Variants in FAM193A observed in about 807,000 individuals in gnomAD.
FAM193A encodes protein FAM193A.
In FAM193A, 22 loss-of-function variants were observed where a neutral mutation model predicts 126.5. The ratio of observed to expected loss-of-function variants is 0.17; its 90% CI spans 0.12 to 0.25. The LOEUF (loss-of-function observed/expected upper bound fraction) is 0.25, where lower values mean the gene tolerates loss of function less well. Ranked by LOEUF, FAM193A falls within the 10% of genes least tolerant of loss-of-function variation. The probability of loss-of-function intolerance (pLI) is 1.00; values close to 1 mark genes in which losing one functional copy is unlikely to be tolerated. For missense variants in FAM193A, 1,675 were observed against 1,672.8 expected, an observed-to-expected ratio of 1.00 and a Z score of -0.02; for synonymous variants, 761 against 646.8, an observed-to-expected ratio of 1.18 and a Z score of -2.68.
chr4:2,571,069 C>T (rs1451209152), intron 1 of FAM193A, among the ~76,000 whole-genome samples: 1 of 152,180 alleles, frequency 6.6e-6, no homozygotes, highest in African/African-American at 2.4e-5. Context: ...AGCCTCTTTC[C>T]TGCCTTGTCA....
chr4:2,595,645 C>T (rs1740811704), intron 1 of FAM193A, among the ~76,000 whole-genome samples: 1 of 152,208 alleles, frequency 6.6e-6, no homozygotes, highest in Non-Finnish European at 1.5e-5. Context: ...GGAATTTGGA[C>T]AGCCGACCTC....
At chr4:2,616,136 T>G (rs1339748601) in intron 2 of FAM193A, among the ~76,000 whole-genome samples, 1 of 152,232 alleles carries the variant, frequency 6.6e-6, no homozygotes, top group Admixed American at 6.5e-5. Context: ...GGTATATTTA[T>G]TTCAATTTCT....
intron 2 of FAM193A, among the ~76,000 whole-genome samples, chr4:2,609,695 C>T (rs550773181): frequency 2.0e-5 from 3 of 152,198 alleles, no homozygotes; most frequent in South Asian, 2.1e-4. Flanking sequence ...TTTGGGAGGC[C>T]GAGGCGGGTG....
chr4:2,542,458 T>G (rs1328454200), intron 1 of FAM193A, among the ~76,000 whole-genome samples: 2 of 152,238 alleles, frequency 1.3e-5, no homozygotes, highest in Non-Finnish European at 2.9e-5. Flanking sequence ...TTTTAAGCTT[T>G]TAAAGCTGTC....
At chr4:2,727,692 G>A (rs1443890482) in intron 20 of FAM193A, among the ~76,000 whole-genome samples, 2 of 152,208 alleles carry the variant, frequency 1.3e-5, no homozygotes, top group Non-Finnish European at 2.9e-5. Context: ...AAGACAGAGT[G>A]CAGGGGCTCT....
chr4:2,648,920 C>A (rs918395942), intron 7 of FAM193A, among the ~76,000 whole-genome samples: 1 of 152,188 alleles, frequency 6.6e-6, no homozygotes, highest in African/African-American at 2.4e-5. Context: ...TGACTTGGGT[C>A]CCAGGGAGAA....
intron 2 of FAM193A, among the ~76,000 whole-genome samples, chr4:2,623,876 C>T (rs1014881206): frequency 1.3e-5 from 2 of 152,146 alleles, no homozygotes; most frequent in East Asian, 1.9e-4. Flanking sequence ...TTCTTTTCCT[C>T]ATGCTGTGGG....
intron 1 of FAM193A, among the ~76,000 whole-genome samples, chr4:2,547,850 C>G (rs890167342): frequency 6.6e-6 from 1 of 151,824 alleles, no homozygotes; most frequent in Non-Finnish European, 1.5e-5. Flanking sequence ...GTCTCGAACT[C>G]TTGAACTTAA....
chr4:2,694,338 C>G (rs1716787042), intron 16 of FAM193A, among the ~76,000 whole-genome samples: 1 of 152,026 alleles, frequency 6.6e-6, no homozygotes, highest in Admixed American at 6.5e-5. Flanking sequence ...AGTGCGATCT[C>G]AGCTCACTGC....
chr4:2,563,645 A>C (rs115981676), intron 1 of FAM193A, among the ~76,000 whole-genome samples: 1 of 152,220 alleles, frequency 6.6e-6, no homozygotes, highest in African/African-American at 2.4e-5. Context: ...GGCAGAACCA[A>C]CACTTCCACT....
At chr4:2,588,047 C>T (rs928083001) in intron 1 of FAM193A, among the ~76,000 whole-genome samples, 1 of 152,170 alleles carries the variant, frequency 6.6e-6, no homozygotes, top group African/African-American at 2.4e-5. Flanking sequence ...AAACTACTGC[C>T]AAGTGCTTTT....
intron 2 of FAM193A, among the ~76,000 whole-genome samples, chr4:2,598,624 C>T (rs1448208529): frequency 1.3e-5 from 2 of 152,202 alleles, no homozygotes; most frequent in Non-Finnish European, 2.9e-5. Context: ...GTATTATCAT[C>T]TCTTCCTTAA....
chr4:2,688,739 A>T (rs1250280470), intron 13 of FAM193A, among the ~76,000 whole-genome samples: 1 of 152,256 alleles, frequency 6.6e-6, no homozygotes, highest in Non-Finnish European at 1.5e-5. Context: ...AGGCTGTTGC[A>T]CTGCGCCACT....
At chr4:2,571,293 T>G (rs1010467109) in intron 1 of FAM193A, among the ~76,000 whole-genome samples, 3 of 152,154 alleles carry the variant, frequency 2.0e-5, no homozygotes, top group Admixed American at 1.3e-4. Context: ...ATGGATTAAT[T>G]ATCCATTCTG....
intron 1 of FAM193A, among the ~76,000 whole-genome samples, chr4:2,566,560 C>T (rs186255939): frequency 3.8e-4 from 58 of 152,012 alleles, no homozygotes; most frequent in East Asian, 3.5e-3. Flanking sequence ...TGGTGGTGTG[C>T]GCCTGTAGTC....
intron 1 of FAM193A, among the ~76,000 whole-genome samples, chr4:2,554,640 C>G (rs1302264635): frequency 6.6e-6 from 1 of 151,854 alleles, no homozygotes; most frequent in Non-Finnish European, 1.5e-5. Flanking sequence ...GAGTTTTTGT[C>G]TACTAGTTCT....
chr4:2,662,957 A>G lies in FAM193A; in HGVS notation c.1865A>G (p.Asn622Ser). 6.2e-7 allele frequency: 1 copy of G among 1,613,410 alleles called. No individual in the cohort carries two copies. The highest frequency in any genetic ancestry group is 2.2e-5 in the East Asian group (1 of 44,866). ...ANMNGIHSELNGGGENMALKD... is the reference protein window; with the variant it reads ...ANMNGIHSELSGGGENMALKD... ...ATGAATGGAATCCACAGCGAATTGA[A>G]TGGTGGCGGGGAAAACATGGCCCTG... Residue 622 changes from asparagine to serine, a missense_variant, in exon 11 of 21, where the codon AAT becomes AGT. Coordinates refer to ENST00000637812, the MANE Select transcript of FAM193A (RefSeq NM_001366318.2).
Position 2,688,400 on chromosome 4 carries a change from T to C in FAM193A, c.2332-1106T>C, listed in dbSNP as rs538403718. ...CCGGCTTCTCTGAGGAAGCGATCTT[T>C]AGGCCGAGGCCTGCAGGATGAGTGC... On this transcript the variant is annotated intron_variant, in intron 13 of 20. Transcript: ENST00000637812. Among the ~76,000 whole-genome samples the C allele has an allele frequency of 2.0e-5, 3 of 152,272 alleles. No individual in the cohort carries two copies. The South Asian group carries it at 6.2e-4, about 32-fold the overall frequency.
chr4:2,641,733 A>G (rs1744647706), intron 6 of FAM193A, among the ~76,000 whole-genome samples: 1 of 152,300 alleles, frequency 6.6e-6, no homozygotes, highest in Non-Finnish European at 1.5e-5. Context: ...CCCAAATTTT[A>G]TTTGAGGGGT....
Sources: allele counts gnomAD v4.1 joint callset (sites outside exome capture counted in the v4.1 genomes callset), GRCh38; gene constraint gnomAD v4.1.1; transcripts MANE v1.5; gene names NCBI Gene and HGNC (gene_info 2026-07-23, HGNC 2026-07-21).